The following RB1 variants were observed in gnomAD, a reference collection of about 807,000 sequenced individuals.
RB1 encodes RB transcriptional corepressor 1.
In RB1, 18 loss-of-function variants were observed where a neutral mutation model predicts 135.4. That is an observed-to-expected ratio of 0.13 (90% CI 0.09 to 0.20). The LOEUF (loss-of-function observed/expected upper bound fraction) is 0.20. RB1 is among the 10% of genes least tolerant of loss of function. The pLI, the probability that RB1 is intolerant of heterozygous loss-of-function variation, is 1.00. For synonymous variants in RB1, 365 were observed against 373.2 expected (o/e 0.98, Z 0.25); for missense variants, 868 against 1,110.0 (o/e 0.78, Z 3.10).
chr13:48,345,580 GTGACCTATACTA>G (rs1332686122), intron 4 of RB1, among the ~76,000 whole-genome samples: 1 of 152,166 alleles, frequency 6.6e-6, no homozygotes. Flanking sequence ...GATGGTGTAT[GTGACCTATACTA>G]TAAAGTAATG....
chr13:48,380,146 CT>C lies in RB1; in HGVS notation c.1422-8del, dbSNP rs747048469. 32,791 of 971,742 alleles carry C rather than the reference CT, an allele frequency of 0.034. 8 individuals carry two copies. Among genetic ancestry groups the C allele is most frequent in the East Asian group, 0.067 (1,688 of 25,138 alleles). The allele number at this position is 971,742 out of a possible 1,614,324, so 60.2% of individuals were successfully genotyped here. ...TTTATAGAAGTAAGTATTTTATAAT[CT>C]TTTTTTTTTTCCTTTAGCAAACTTC... On this transcript the variant is annotated intron_variant, in intron 15 of 26. Transcript: ENST00000267163.
At chr13:48,365,584 G>T (rs532214949) in intron 9 of RB1, among the ~76,000 whole-genome samples, 18 of 152,284 alleles carry the variant, frequency 1.2e-4, no homozygotes, top group African/African-American at 4.3e-4. Context: ...AGAAAAGGAT[G>T]CTGTGATAGA....
chr13:48,318,502 T>C, intron 2 of RB1: 1 of 1,102,602 alleles, frequency 9.1e-7, no homozygotes, highest in Non-Finnish European at 1.3e-6. Flanking sequence ...TGGCCCTGCG[T>C]CATGCGAGTG....
intron 23 of RB1, among the ~76,000 whole-genome samples, chr13:48,470,744 G>T (rs1949463474): frequency 5.1e-5 from 1 of 19,620 alleles, no homozygotes; most frequent in African/African-American, 6.5e-5. Flanking sequence ...CAAAAAGTGG[G>T]CGAAGGACAT....
chr13:48,306,590 A>C (rs1264397247), intron 1 of RB1, among the ~76,000 whole-genome samples: 1 of 152,330 alleles, frequency 6.6e-6, no homozygotes, highest in Non-Finnish European at 1.5e-5. Context: ...GTAAATGTCT[A>C]CTTTTACAGA....
At position 48,348,978 on chromosome 13, in the gene RB1, G is replaced by A. The variant is rs1189153218; in HGVS notation, c.562G>A (p.Ala188Thr). Reference sequence around the variant, plus strand: ...TAGGATATCTACTGAAATAAATTCTGCATTGGTGCTAAAAGTTTCTTGGAT... The same window carrying A: ...TAGGATATCTACTGAAATAAATTCTACATTGGTGCTAAAAGTTTCTTGGAT... ...SSSISTEINS[A>T]LVLKVSWITF... Residue 188 changes from alanine (A) to threonine (T), a missense_variant, in exon 6 of 27, where the codon GCA becomes ACA. By Grantham distance (58) the Ala-to-Thr change is moderately conservative (BLOSUM62 0). This residue lies in a region of RB1 where 641 missense variants were observed against 791.3 expected (regional missense o/e 0.81). Coordinates refer to ENST00000267163, the MANE Select transcript of RB1 (RefSeq NM_000321.3). The A allele has an allele frequency of 6.2e-7, 1 of 1,601,124 alleles. No individual in the cohort carries two copies. Among genetic ancestry groups the A allele is most frequent in the Admixed American group, 1.7e-5 (1 of 59,492 alleles).
At chr13:48,449,005 T>A (rs185912341) in intron 17 of RB1, among the ~76,000 whole-genome samples, 4 of 152,342 alleles carry the variant, frequency 2.6e-5, no homozygotes, top group Non-Finnish European at 4.4e-5. Flanking sequence ...TGCTTTTTTT[T>A]ATTGAGTGAA....
intron 2 of RB1, among the ~76,000 whole-genome samples, chr13:48,313,743 T>C (rs1017243611): frequency 2.3e-5 from 2 of 87,912 alleles, no homozygotes; most frequent in African/African-American, 3.1e-5. Context: ...TGTATGTTTA[T>C]TCTTTTTTTT....
chr13:48,359,476 TAATTGAATCATTGG>T (rs968560300), intron 6 of RB1, among the ~76,000 whole-genome samples: 1 of 148,420 alleles, frequency 6.7e-6, no homozygotes, highest in African/African-American at 2.4e-5. Flanking sequence ...TAATGAGAAT[TAATTGAATCATTGG>T]AATTAGAATA....
At chr13:48,409,847 AG>A in intron 17 of RB1, among the ~76,000 whole-genome samples, 1 of 152,126 alleles carries the variant, frequency 6.6e-6, no homozygotes, top group Non-Finnish European at 1.5e-5. Context: ...CCAAAGTGCT[AG>A]GATTACAGGT....
At chr13:48,359,886 A>G in intron 6 of RB1, 131 bp from the exon 7 acceptor site, 1 of 1,357,440 alleles carries the variant, frequency 7.4e-7, no homozygotes, top group Non-Finnish European at 9.7e-7. Flanking sequence ...AAAAAAAAGA[A>G]AGAAAATCTT....
Position 48,362,689 on chromosome 13 carries a change from A to G in RB1, c.719-126A>G. ...GGATGAAATTGTTATCCTTCTAATG[A>G]AACCTAATAAGTAAAAGTAGTAGAA... On this transcript the variant is annotated intron_variant, in intron 7 of 26. Coordinates refer to ENST00000267163, the MANE Select transcript of RB1 (RefSeq NM_000321.3). The G allele has an allele frequency of 4.9e-6, 5 of 1,017,532 alleles. No individual in the cohort carries two copies. The South Asian group carries it at 7.3e-5, about 15-fold the overall frequency. The allele number at this position is 1,017,532 out of a possible 1,614,324, so 63.0% of individuals were successfully genotyped here.
At position 48,347,844 on chromosome 13, in the gene RB1, T is replaced by C. The variant is rs1426744051; in HGVS notation, c.520T>C (p.Leu174=). The C allele has an allele frequency of 3.8e-6, 6 of 1,594,978 alleles. No homozygotes were observed. The highest frequency in any genetic ancestry group is 5.2e-6 in the Non-Finnish European group (6 of 1,163,812). The change falls in exon 5 of 27, where the codon TTG becomes CTG. Residue 174 remains leucine (L), a synonymous_variant. Coordinates refer to ENST00000267163, the MANE Select transcript of RB1 (RefSeq NM_000321.3). ...TTTCAGGACATGTGAACTTATATAT[T>C]TGACACAACCCAGCAGTTCGTAAGT... ...KLERTCELIY[L]TQPSSSISTE...
chr13:48,479,454 G>A (rs1467403544), intron 26 of RB1, among the ~76,000 whole-genome samples: 1 of 152,176 alleles, frequency 6.6e-6, no homozygotes, highest in African/African-American at 2.4e-5. Context: ...GGGCATACCT[G>A]AAGTATGCAA....
chr13:48,412,513 A>G, intron 17 of RB1: 1 of 837,074 alleles, frequency 1.2e-6, no homozygotes, highest in South Asian at 1.4e-5. Flanking sequence ...ATAACCTCCA[A>G]TTTATTTGCA....
chr13:48,320,691 C>T (rs1202432732), intron 2 of RB1, among the ~76,000 whole-genome samples: 2 of 151,990 alleles, frequency 1.3e-5, no homozygotes, highest in Admixed American at 6.6e-5. Flanking sequence ...ATTAGCCGGG[C>T]GTGGTGGTGT....
At chr13:48,346,292 T>C (rs1952496351) in intron 4 of RB1, among the ~76,000 whole-genome samples, 1 of 151,610 alleles carries the variant, frequency 6.6e-6, no homozygotes, top group Non-Finnish European at 1.5e-5. Flanking sequence ...ATGTCAACAG[T>C]GGAGAGAATC....
rs1593456172 is a variant in RB1, at chr13:48,380,091, TTTTTAC to T, written c.1421+13_1421+18del. On this transcript the variant is annotated splice_region_variant and intron_variant, in intron 15 of 26. Transcript: ENST00000267163. ...TATCCATTCAAAATTTTAGGTAAAT[TTTTTAC>T]TTTTAGTAAAAAATTTTTTTCTTTT... The T allele has an allele frequency of 1.4e-6, 2 of 1,422,940 alleles. No individual in the cohort carries two copies. Among genetic ancestry groups the T allele is most frequent in the African/African-American group, 1.5e-5 (1 of 68,692 alleles). The allele number at this position is 1,422,940 out of a possible 1,614,324, so 88.1% of individuals were successfully genotyped here.
intron 2 of RB1, among the ~76,000 whole-genome samples, chr13:48,315,248 C>T (rs1952171852): frequency 6.6e-6 from 1 of 152,136 alleles, no homozygotes; most frequent in Non-Finnish European, 1.5e-5. Flanking sequence ...AGAGAGCTTT[C>T]ACCTCCCTAG....
Sources: allele counts gnomAD v4.1 joint callset (sites outside exome capture counted in the v4.1 genomes callset), GRCh38; gene constraint gnomAD v4.1.1; regional missense constraint gnomAD v4.1.1; transcripts MANE v1.5; gene names NCBI Gene and HGNC (gene_info 2026-07-23, HGNC 2026-07-21).